The following RGPD2 variants were observed in gnomAD, a reference collection of about 807,000 sequenced individuals.
RGPD2 encodes the protein RANBP2-like and GRIP domain-containing protein 2.
A neutral mutation model predicts 36.0 loss-of-function variants in RGPD2; 2 were observed. The ratio of observed to expected loss-of-function variants is 0.06; its 90% CI spans 0.02 to 0.17. RGPD2 has a LOEUF of 0.17. Among genes scored for constraint, RGPD2 ranks in the 10% least tolerant of loss-of-function variants. RGPD2 has a pLI of 1.00. For missense variants in RGPD2, 40 were observed against 464.3 expected (o/e 0.09, Z 8.40); for synonymous variants, 19 against 163.8 (o/e 0.12, Z 6.75).
At chr2:87,829,481 G>GAGAC (rs1443232691), upstream of RGPD2, among the ~76,000 whole-genome samples, 69 of 151,918 alleles carry the variant, frequency 4.5e-4, no homozygotes, top group African/African-American at 1.6e-3. Context: ...AGAAATACCT[G>GAGAC]AGACACAGTA....
At chr2:87,977,134 G>A in the RGPD2 span, among the ~76,000 whole-genome samples, 1 of 90,066 alleles carries the variant, frequency 1.1e-5, no homozygotes, top group East Asian at 3.0e-4. Context: ...TCATCTTCAG[G>A]AGCTGTGAAT....
At chr2:87,836,029 G>A in the RGPD2 span, among the ~76,000 whole-genome samples, 3 of 150,110 alleles carry the variant, frequency 2.0e-5, no homozygotes, top group African/African-American at 2.5e-5. Context: ...AAGTGAGAGA[G>A]AGCAAACAAC....
the RGPD2 span, among the ~76,000 whole-genome samples, chr2:87,978,202 A>G: frequency 6.6e-6 from 1 of 152,076 alleles, no homozygotes; most frequent in East Asian, 1.9e-4. Context: ...TGTTAAAGCC[A>G]CATTCTAAGG....
the RGPD2 span, among the ~76,000 whole-genome samples, chr2:87,918,277 G>A: frequency 7.4e-6 from 1 of 134,328 alleles, no homozygotes; most frequent in East Asian, 2.1e-4. Context: ...TTTATTGTGA[G>A]AATGTTATAT....
At chr2:87,978,217 A>C in the RGPD2 span, among the ~76,000 whole-genome samples, 1 of 152,056 alleles carries the variant, frequency 6.6e-6, no homozygotes, top group Non-Finnish European at 1.5e-5. Flanking sequence ...CTAAGGGAAA[A>C]TATGGTCAAG....
chr2:87,885,027 G>A, the RGPD2 span, among the ~76,000 whole-genome samples: 1 of 152,096 alleles, frequency 6.6e-6, no homozygotes, highest in African/African-American at 2.4e-5. Flanking sequence ...AAACATAGAT[G>A]CAAAAATCTT....
At chr2:87,763,379 G>C (rs1487434576) in intron 22 of RGPD2, among the ~76,000 whole-genome samples, 1 of 147,442 alleles carries the variant, frequency 6.8e-6, no homozygotes, top group African/African-American at 2.5e-5. Flanking sequence ...GGATGGTCTC[G>C]GTCTCCTGAC....
chr2:87,960,591 A>G, the RGPD2 span, among the ~76,000 whole-genome samples: 1 of 8,316 alleles, frequency 1.2e-4, no homozygotes, highest in African/African-American at 5.1e-4. Context: ...TGAATGATAC[A>G]AATTATTAAA....
chr2:87,986,255 C>T, the RGPD2 span, among the ~76,000 whole-genome samples: 2 of 150,964 alleles, frequency 1.3e-5, no homozygotes, highest in Non-Finnish European at 2.9e-5. Context: ...CCTGCCTCAG[C>T]CACCAAGTAG....
the RGPD2 span, among the ~76,000 whole-genome samples, chr2:87,839,910 A>AC: frequency 6.6e-6 from 1 of 152,076 alleles, no homozygotes; most frequent in Admixed American, 6.6e-5. Context: ...AAAGAAAAAA[A>AC]AAACACATTA....
chr2:87,871,657 G>C, the RGPD2 span, among the ~76,000 whole-genome samples: 1 of 152,044 alleles, frequency 6.6e-6, no homozygotes, highest in African/African-American at 2.4e-5. Context: ...CCCGAGATTG[G>C]GAATTTGAGA....
At chr2:87,874,743 T>C in the RGPD2 span, among the ~76,000 whole-genome samples, 1 of 152,400 alleles carries the variant, frequency 6.6e-6, no homozygotes, top group African/African-American at 2.4e-5. Flanking sequence ...TTTGAAATAG[T>C]TTTTTCTAGT....
At chr2:87,856,875 C>T in the RGPD2 span, among the ~76,000 whole-genome samples, 1 of 151,202 alleles carries the variant, frequency 6.6e-6, no homozygotes, top group Non-Finnish European at 1.5e-5. Flanking sequence ...TATTTTAAAC[C>T]CACACCAACC....
the RGPD2 span, among the ~76,000 whole-genome samples, chr2:87,835,043 T>TA: frequency 4.9e-5 from 7 of 143,792 alleles, no homozygotes; most frequent in East Asian, 2.0e-4. Context: ...CATCTGTAGA[T>TA]AAAAAAATAC....
chr2:87,830,043 A>ACCTT (rs1310874292), upstream of RGPD2, among the ~76,000 whole-genome samples: 1 of 145,164 alleles, frequency 6.9e-6, no homozygotes, highest in Non-Finnish European at 1.5e-5. Flanking sequence ...TTGGGTAAAT[A>ACCTT]CACCCAAATG....
the RGPD2 span, among the ~76,000 whole-genome samples, chr2:87,907,480 ATAGG>A: frequency 9.7e-3 from 37 of 3,830 alleles, 1 homozygote; most frequent in East Asian, 0.016. Context: ...TGGGTATGAA[ATAGG>A]AAACAAGCAG....
the RGPD2 span, among the ~76,000 whole-genome samples, chr2:87,836,284 GGAAA>G: frequency 2.5e-4 from 36 of 146,246 alleles, no homozygotes; most frequent in Admixed American, 1.5e-3. Flanking sequence ...AAGAAAGAAA[GGAAA>G]GAAAGAAAGA....
intron 7 of RGPD2, among the ~76,000 whole-genome samples, chr2:87,806,013 AT>A (rs1276486573): frequency 6.7e-6 from 1 of 149,904 alleles, no homozygotes; most frequent in Non-Finnish European, 1.5e-5. Context: ...AATACAAAAA[AT>A]TAGCTGGGCT....
chr2:87,966,364 C>A, the RGPD2 span, among the ~76,000 whole-genome samples: 95 of 147,578 alleles, frequency 6.4e-4, no homozygotes, highest in Middle Eastern at 3.4e-3. Context: ...ATAAGCCATA[C>A]AGCAGTGAAT....
Sources: allele counts gnomAD v4.1 joint callset (sites outside exome capture counted in the v4.1 genomes callset), GRCh38; gene constraint gnomAD v4.1.1; transcripts MANE v1.5; gene names NCBI Gene and HGNC (gene_info 2026-07-23, HGNC 2026-07-21).